KCNN2: variants seen among roughly 807,000 people sequenced by gnomAD.
The protein encoded by KCNN2 is small conductance calcium-activated potassium channel protein 2.
KCNN2 carries 24 observed loss-of-function variants against 55.5 expected under a neutral mutation model. The observed-to-expected ratio is 0.43, with a 90% CI of 0.31 to 0.61. KCNN2 has a LOEUF of 0.61. Among genes scored for constraint, KCNN2 ranks in the 20% least tolerant of loss-of-function variants. The pLI is 0.08. For synonymous variants in KCNN2, 431 were observed against 336.1 expected (o/e 1.28, Z -3.09); for missense variants, 754 against 853.6 (o/e 0.88, Z 1.45).
At chr5:114,261,809 G>C (rs1755114566) in intron 2 of KCNN2, among the ~76,000 whole-genome samples, 1 of 152,174 alleles carries the variant, frequency 6.6e-6, no homozygotes, top group African/African-American at 2.4e-5. Context: ...GAGACTGGCA[G>C]GCTAAGGCTG....
chr5:114,402,223 CA>C (rs1438384799), intron 2 of KCNN2, among the ~76,000 whole-genome samples: 1 of 152,150 alleles, frequency 6.6e-6, no homozygotes, highest in Non-Finnish European at 1.5e-5. Context: ...GCAGGAATGA[CA>C]GGACAAATGA....
At chr5:114,370,793 A>G (rs1290342326) in intron 2 of KCNN2, among the ~76,000 whole-genome samples, 1 of 152,042 alleles carries the variant, frequency 6.6e-6, no homozygotes, top group Non-Finnish European at 1.5e-5. Context: ...AGGACTTGAG[A>G]CCATTGTAAG....
intron 1 of KCNN2, among the ~76,000 whole-genome samples, chr5:114,157,782 T>C (rs1217170389): frequency 4.6e-5 from 7 of 152,282 alleles, no homozygotes; most frequent in South Asian, 2.1e-4. Flanking sequence ...TTTCATGTGT[T>C]TTTTGGCTGC....
rs368172006 is a variant in KCNN2 at position 114,362,796 on chromosome 5, C to T, written c.657C>T (p.Asn219=). 55 of 1,595,596 alleles carry T rather than the reference C, an allele frequency of 3.4e-5. No individual in the cohort carries two copies. In the East Asian group the frequency reaches 8.1e-4, roughly 23 times the overall value. Residue 219 remains asparagine (N), a synonymous_variant, in exon 1 of 8, where the codon AAC becomes AAT. Coordinates refer to ENST00000673685, the MANE Select transcript of KCNN2 (RefSeq NM_021614.4). ...TEIAMSSCRY[N]GGVMRPLSNL... ...TAGCCATGAGCAGCTGCAGGTACAA[C>T]GGGGGCGTCATGCGGCCGCTCAGCA...
intron 2 of KCNN2, among the ~76,000 whole-genome samples, chr5:114,397,053 T>C (rs879867803): frequency 1.3e-5 from 2 of 152,224 alleles, no homozygotes; most frequent in African/African-American, 4.8e-5. Context: ...AATGATATGA[T>C]CTCATTCTTT....
chr5:114,317,518 T>A (rs898841969), intron 2 of KCNN2, among the ~76,000 whole-genome samples: 16 of 152,232 alleles, frequency 1.1e-4, no homozygotes, highest in African/African-American at 3.9e-4. Context: ...CTTGTTGATC[T>A]CAAATCTGTT....
intron 1 of KCNN2, among the ~76,000 whole-genome samples, chr5:114,120,596 C>T (rs1427529093): frequency 4.6e-5 from 7 of 152,164 alleles, no homozygotes; most frequent in Admixed American, 3.9e-4. Context: ...CTGAGAAAAT[C>T]AAGGCCATTG....
intron 4 of KCNN2, among the ~76,000 whole-genome samples, chr5:114,463,397 C>CTGTT (rs1761298058): frequency 6.6e-6 from 1 of 152,236 alleles, no homozygotes; most frequent in Admixed American, 6.5e-5. Context: ...AGAGGTAGAG[C>CTGTT]TGTTTGATTG....
intron 3 of KCNN2, among the ~76,000 whole-genome samples, chr5:114,434,181 T>G: frequency 2.7e-5 from 1 of 36,572 alleles, no homozygotes; most frequent in African/African-American, 5.0e-5. Context: ...TATACTACTA[T>G]TTTTTTTCTG....
At chr5:114,182,667 C>T (rs1345878710) in intron 1 of KCNN2, among the ~76,000 whole-genome samples, 2 of 151,972 alleles carry the variant, frequency 1.3e-5, no homozygotes, top group Non-Finnish European at 2.9e-5. Flanking sequence ...ATTTCATATT[C>T]CAACTGTTAG....
At chr5:114,393,868 T>C (rs1025256061) in intron 2 of KCNN2, among the ~76,000 whole-genome samples, 3 of 152,150 alleles carry the variant, frequency 2.0e-5, no homozygotes, top group Admixed American at 2.0e-4. Context: ...TGGCATACTA[T>C]TCATTTTATG....
At chr5:114,238,531 C>T (rs973015412) in intron 2 of KCNN2, among the ~76,000 whole-genome samples, 25 of 151,220 alleles carry the variant, frequency 1.7e-4, no homozygotes, top group Admixed American at 1.5e-3. Context: ...GGGACTGAGG[C>T]AGGAGAATCG....
intron 2 of KCNN2, among the ~76,000 whole-genome samples, chr5:114,284,832 C>G (rs1755702416): frequency 6.6e-6 from 1 of 151,946 alleles, no homozygotes; most frequent in South Asian, 2.1e-4. Flanking sequence ...ATCTCCATTT[C>G]TGATCTTGTT....
At chr5:114,123,358 T>TGTCAGATCAAATAAAAAGGTCCC (rs1561484987) in intron 1 of KCNN2, among the ~76,000 whole-genome samples, 1 of 49,730 alleles carries the variant, frequency 2.0e-5, no homozygotes, top group African/African-American at 1.5e-4. Flanking sequence ...TTAATTTTTT[T>TGTCAGATCAAATAAAAAGGTCCC]TTTTTTTTTT....
At chr5:114,403,163 C>G (rs1017717357) in intron 2 of KCNN2, among the ~76,000 whole-genome samples, 4 of 152,110 alleles carry the variant, frequency 2.6e-5, no homozygotes, top group Admixed American at 2.6e-4. Flanking sequence ...TGGGGAATAA[C>G]TTTATTGGAA....
intron 1 of KCNN2, among the ~76,000 whole-genome samples, chr5:114,077,600 C>T (rs180752118): frequency 2.9e-4 from 44 of 152,326 alleles, no homozygotes; most frequent in Non-Finnish European, 5.1e-4. Context: ...GAAGCATTCC[C>T]TTCCTCCTTT....
intron 2 of KCNN2, among the ~76,000 whole-genome samples, chr5:114,383,135 G>C (rs139101873): frequency 1.5e-4 from 23 of 152,260 alleles, no homozygotes; most frequent in Non-Finnish European, 2.6e-4. Flanking sequence ...GTGACCTTTA[G>C]TAGAAGAACT....
intron 7 of KCNN2, among the ~76,000 whole-genome samples, chr5:114,495,532 C>G (rs1561420762): frequency 6.6e-6 from 1 of 152,168 alleles, no homozygotes; most frequent in African/African-American, 2.4e-5. Context: ...CCCTAATTAA[C>G]AAACATGTTG....
intron 2 of KCNN2, among the ~76,000 whole-genome samples, chr5:114,375,060 A>G (rs1757891984): frequency 1.3e-5 from 2 of 152,148 alleles, no homozygotes; most frequent in African/African-American, 4.8e-5. Flanking sequence ...ATAAAATACT[A>G]TAGTATGCTT....
Sources: gnomAD v4.1 joint callset for allele counts (sites outside exome capture counted in the v4.1 genomes callset) on GRCh38, gnomAD v4.1.1 for gene constraint, MANE v1.5 for transcripts, NCBI Gene and HGNC (gene_info 2026-07-23, HGNC 2026-07-21) for gene names.